The following CHODL variants were observed in gnomAD, a reference collection of about 807,000 sequenced individuals.
The protein encoded by CHODL is chondrolectin.
In CHODL, 29 loss-of-function variants were observed where a neutral mutation model predicts 34.5. That is an observed-to-expected ratio of 0.84 (90% CI 0.63 to 1.15). The LOEUF (loss-of-function observed/expected upper bound fraction) is 1.15, where lower values mean the gene tolerates loss of function less well. Among genes scored for constraint, CHODL ranks in the 50% most tolerant of loss-of-function variants. The pLI is 0.00. For synonymous variants in CHODL, 125 were observed against 116.1 expected (o/e 1.08, Z -0.49); for missense variants, 332 against 332.5 (o/e 1.00, Z 0.01).
intron 2 of CHODL, among the ~76,000 whole-genome samples, chr21:18,181,758 C>T (rs1255983244): frequency 6.6e-6 from 1 of 152,140 alleles, no homozygotes; most frequent in Non-Finnish European, 1.5e-5. Flanking sequence ...ACACATTGAC[C>T]ATTCTGGACA....
At chr21:18,179,478 T>C (rs568164156) in intron 2 of CHODL, among the ~76,000 whole-genome samples, 1 of 152,360 alleles carries the variant, frequency 6.6e-6, no homozygotes, top group South Asian at 2.1e-4. Flanking sequence ...CAGCCTACTC[T>C]CAATTGGTAG....
At chr21:18,058,748 C>G (rs1039227892) in intron 2 of CHODL, among the ~76,000 whole-genome samples, 3 of 152,256 alleles carry the variant, frequency 2.0e-5, no homozygotes, top group African/African-American at 7.2e-5. Context: ...TCATGAGCAT[C>G]TAACATTCTC....
At chr21:18,000,761 G>A (rs1424988626) in intron 1 of CHODL, among the ~76,000 whole-genome samples, 2 of 151,924 alleles carry the variant, frequency 1.3e-5, no homozygotes, top group South Asian at 2.1e-4. Context: ...TTATTAAAGG[G>A]GTCTCATATG....
chr21:18,165,195 G>A (rs1353787235), intron 2 of CHODL, among the ~76,000 whole-genome samples: 1 of 152,172 alleles, frequency 6.6e-6, no homozygotes, highest in Non-Finnish European at 1.5e-5. Flanking sequence ...GGAGAAACAA[G>A]TCTACTCTAG....
At chr21:18,026,889 AT>A (rs755062124) in intron 1 of CHODL, among the ~76,000 whole-genome samples, 1 of 152,128 alleles carries the variant, frequency 6.6e-6, no homozygotes, top group Non-Finnish European at 1.5e-5. Flanking sequence ...TTCAAAATTC[AT>A]TTTTGAAGGA....
intron 2 of CHODL, among the ~76,000 whole-genome samples, chr21:18,218,334 C>T (rs2146734327): frequency 6.6e-6 from 1 of 152,364 alleles, no homozygotes; most frequent in African/African-American, 2.4e-5. Flanking sequence ...CATGTGGAAG[C>T]TGCTAAGGCT....
chr21:18,069,735 A>G (rs916050142), intron 2 of CHODL, among the ~76,000 whole-genome samples: 1 of 152,148 alleles, frequency 6.6e-6, no homozygotes, highest in African/African-American at 2.4e-5. Context: ...ACTAAAATTT[A>G]CAACTACAAA....
At chr21:18,102,558 G>A (rs554707548) in intron 2 of CHODL, among the ~76,000 whole-genome samples, 1 of 152,248 alleles carries the variant, frequency 6.6e-6, no homozygotes, top group South Asian at 2.1e-4. Context: ...TTTTGAGGAA[G>A]TTTTAAAGCA....
At chr21:17,923,461 A>ATTT (rs1416855160) in intron 1 of CHODL, among the ~76,000 whole-genome samples, 1 of 114,376 alleles carries the variant, frequency 8.7e-6, no homozygotes. Flanking sequence ...CTAATTCTTC[A>ATTT]GTTTTTTTTT....
At chr21:18,073,511 C>T (rs151229772) in intron 2 of CHODL, among the ~76,000 whole-genome samples, 80 of 152,138 alleles carry the variant, frequency 5.3e-4, no homozygotes, top group African/African-American at 1.6e-3. Flanking sequence ...TTGACTTAAA[C>T]TTTCAGGAAG....
intron 2 of CHODL, among the ~76,000 whole-genome samples, chr21:18,148,064 A>T (rs545052476): frequency 6.6e-6 from 1 of 152,204 alleles, no homozygotes; most frequent in South Asian, 2.1e-4. Flanking sequence ...AGGCAGCTAC[A>T]TCAAGAGGAT....
intron 4 of CHODL, among the ~76,000 whole-genome samples, chr21:18,262,421 C>T (rs2074393444): frequency 6.6e-6 from 1 of 152,098 alleles, no homozygotes; most frequent in African/African-American, 2.4e-5. Flanking sequence ...CAAACCCCTG[C>T]ACCATGTTAC....
rs576611294 is a variant in CHODL at position 17,997,193 on chromosome 21, C to CTT, written c.-144-30678_-144-30677dup. On this transcript the variant is annotated intron_variant, in intron 1 of 6. Transcript: ENST00000400127. ...GTTGCATTTGTCTTCCAAATAATCTCTTGAATAACTGGTATGTCTAGATAT... is the reference window on the plus strand; with the variant it reads ...GTTGCATTTGTCTTCCAAATAATCTCTTTTGAATAACTGGTATGTCTAGATAT... 5.5e-3 allele frequency among the ~76,000 whole-genome samples: 843 copies of CTT among 152,306 alleles called. 8 individuals carry two copies. Among genetic ancestry groups the CTT allele is most frequent in the African/African-American group, 0.013 (554 of 41,564 alleles).
At chr21:18,189,132 CTCTT>C (rs2073480358) in intron 2 of CHODL, among the ~76,000 whole-genome samples, 1 of 152,148 alleles carries the variant, frequency 6.6e-6, no homozygotes, top group Non-Finnish European at 1.5e-5. Context: ...AATTCTCTCT[CTCTT>C]TTTTGTTTAA....
intron 1 of CHODL, among the ~76,000 whole-genome samples, chr21:18,008,154 A>T (rs191450551): frequency 0.019 from 2,838 of 150,960 alleles, 71 homozygotes; most frequent in Middle Eastern, 0.051. Context: ...TCTTTTTTTT[A>T]AAAAAAAGCT....
chr21:18,098,342 G>C (rs964319719), intron 2 of CHODL, among the ~76,000 whole-genome samples: 2 of 150,110 alleles, frequency 1.3e-5, no homozygotes, highest in Non-Finnish European at 2.9e-5. Context: ...GAATATATAG[G>C]GGCCTCAATA....
At chr21:18,154,169 T>C (rs1334199294) in intron 2 of CHODL, among the ~76,000 whole-genome samples, 1 of 152,252 alleles carries the variant, frequency 6.6e-6, no homozygotes, top group Non-Finnish European at 1.5e-5. Context: ...AATATGTATG[T>C]AAAAAGGCTT....
intron 2 of CHODL, among the ~76,000 whole-genome samples, chr21:18,238,498 C>T (rs147694161): frequency 2.0e-5 from 3 of 152,180 alleles, no homozygotes; most frequent in Admixed American, 6.5e-5. Context: ...AAGTTATCTC[C>T]CAGTGGGTCC....
At chr21:18,156,693 G>A (rs771683393) in intron 2 of CHODL, among the ~76,000 whole-genome samples, 18 of 152,046 alleles carry the variant, frequency 1.2e-4, no homozygotes, top group Admixed American at 2.6e-4. Context: ...TTTCTTCCAC[G>A]ACGATTGCCA....
Sources: gnomAD v4.1 joint callset for allele counts (sites outside exome capture counted in the v4.1 genomes callset) on GRCh38, gnomAD v4.1.1 for gene constraint, MANE v1.5 for transcripts, NCBI Gene and HGNC (gene_info 2026-07-23, HGNC 2026-07-21) for gene names.